C7orf78: variants seen among roughly 807,000 people sequenced by gnomAD.
C7orf78 encodes chromosome 7 open reading frame 78, also known as putative uncharacterized protein C7orf78.
At chr7:12,507,312 A>AT in the C7orf78 span, 1 of 158,326 alleles carries the variant, frequency 6.3e-6, no homozygotes, top group African/African-American at 2.4e-5. Context: ...ACCAAAAAAA[A>AT]AAAAAAAAAA....
At chr7:12,505,127 C>A in the C7orf78 span, among the ~76,000 whole-genome samples, 11 of 151,962 alleles carry the variant, frequency 7.2e-5, no homozygotes, top group South Asian at 2.3e-3. Flanking sequence ...TGTATTGTCA[C>A]TATTATGGTG....
the C7orf78 span, among the ~76,000 whole-genome samples, chr7:12,500,354 G>C: frequency 1.3e-5 from 2 of 151,290 alleles, no homozygotes; most frequent in South Asian, 2.1e-4. Flanking sequence ...AAGAAAAAAA[G>C]AGAGAAGAAT....
chr7:12,491,673 T>C, the C7orf78 span: 2 of 152,226 alleles, frequency 1.3e-5, no homozygotes, highest in Admixed American at 1.3e-4. Flanking sequence ...CCTCTAGCCA[T>C]ATTTGTGATG....
the C7orf78 span, among the ~76,000 whole-genome samples, chr7:12,503,502 G>A: frequency 0.16 from 24,236 of 151,906 alleles, 2,336 homozygotes; most frequent in South Asian, 0.24. Context: ...TGGGGCAAGT[G>A]TGTGAAATAA....
the C7orf78 span, among the ~76,000 whole-genome samples, chr7:12,527,401 A>G: frequency 8.7e-6 from 1 of 114,770 alleles, no homozygotes; most frequent in African/African-American, 3.8e-5. Flanking sequence ...TGTAATTGAA[A>G]TGGAACATAT....
chr7:12,492,985 T>G, the C7orf78 span, among the ~76,000 whole-genome samples: 2 of 152,172 alleles, frequency 1.3e-5, no homozygotes, highest in Non-Finnish European at 2.9e-5. Context: ...GGTGGATAAC[T>G]TGAGCCCAGG....
the C7orf78 span, among the ~76,000 whole-genome samples, chr7:12,495,117 A>C: frequency 2.0e-5 from 3 of 152,290 alleles, no homozygotes; most frequent in Non-Finnish European, 4.4e-5. Context: ...TTCACCCACC[A>C]TGTGTCCAAC....
the C7orf78 span, among the ~76,000 whole-genome samples, chr7:12,540,298 T>C: frequency 1.3e-5 from 2 of 152,226 alleles, no homozygotes; most frequent in Non-Finnish European, 2.9e-5. Flanking sequence ...AGCCTCATTG[T>C]AACACTTCCC....
chr7:12,534,446 CA>C, the C7orf78 span, among the ~76,000 whole-genome samples: 7 of 152,070 alleles, frequency 4.6e-5, no homozygotes, highest in African/African-American at 1.4e-4. Flanking sequence ...AAAAGAACCA[CA>C]AAAACACTAT....
chr7:12,516,612 G>A, the C7orf78 span, among the ~76,000 whole-genome samples: 122 of 152,336 alleles, frequency 8.0e-4, 1 homozygote, highest in Non-Finnish European at 2.9e-4. Flanking sequence ...ATGCCAGCCC[G>A]TGAAAGCAGC....
the C7orf78 span, among the ~76,000 whole-genome samples, chr7:12,508,175 A>G: frequency 6.6e-6 from 1 of 152,228 alleles, no homozygotes; most frequent in African/African-American, 2.4e-5. Context: ...GTTTTGTGAC[A>G]GGGCATTCGG....
the C7orf78 span, among the ~76,000 whole-genome samples, chr7:12,515,470 A>G: frequency 4.2e-4 from 64 of 152,318 alleles, no homozygotes; most frequent in African/African-American, 1.5e-3. Context: ...GCAGTGTGAA[A>G]ATGGACCAAT....
At chr7:12,540,326 C>G in the C7orf78 span, among the ~76,000 whole-genome samples, 83 of 152,318 alleles carry the variant, frequency 5.4e-4, 1 homozygote, top group African/African-American at 2.0e-3. Context: ...TTCTACCCTA[C>G]TGGTGCTAAT....
chr7:12,527,843 G>C, the C7orf78 span, among the ~76,000 whole-genome samples: 4 of 149,130 alleles, frequency 2.7e-5, no homozygotes, highest in Non-Finnish European at 3.0e-5. Flanking sequence ...CACTCACTTT[G>C]GTAGAAAATG....
chr7:12,513,291 T>A, the C7orf78 span, among the ~76,000 whole-genome samples: 1,115 of 152,016 alleles, frequency 7.3e-3, 9 homozygotes, highest in Middle Eastern at 0.01. Context: ...GCTTTTCTAG[T>A]TCTTCCAGGT....
the C7orf78 span, among the ~76,000 whole-genome samples, chr7:12,535,010 G>GGAAGGAAGGAAC: frequency 9.4e-3 from 1,409 of 150,310 alleles, 12 homozygotes; most frequent in East Asian, 0.027. Flanking sequence ...AAGGAAGGAA[G>GGAAGGAAGGAAC]GAAGGAAGGA....
At chr7:12,539,289 C>T in the C7orf78 span, among the ~76,000 whole-genome samples, 1 of 152,000 alleles carries the variant, frequency 6.6e-6, no homozygotes, top group African/African-American at 2.4e-5. Context: ...ACAGTGAAAC[C>T]CCATCTCTAC....
chr7:12,515,981 A>G, the C7orf78 span, among the ~76,000 whole-genome samples: 1 of 152,160 alleles, frequency 6.6e-6, no homozygotes, highest in Non-Finnish European at 1.5e-5. Context: ...AGAAAAACCC[A>G]TTTTCTGAGG....
the C7orf78 span, among the ~76,000 whole-genome samples, chr7:12,524,991 T>A: frequency 2.6e-5 from 4 of 152,152 alleles, no homozygotes; most frequent in Non-Finnish European, 5.9e-5. Flanking sequence ...CCACCAGATG[T>A]CAGTATTGTT....
Sources: gnomAD v4.1 joint callset for allele counts (sites outside exome capture counted in the v4.1 genomes callset) on GRCh38, gnomAD v4.1.1 for gene constraint, MANE v1.5 for transcripts, NCBI Gene and HGNC (gene_info 2026-07-23, HGNC 2026-07-21) for gene names.